Variants in MTUS1 observed in about 807,000 individuals in gnomAD.
MTUS1 encodes the protein microtubule-associated tumor suppressor 1.
MTUS1 carries 109 observed loss-of-function variants against 120.8 expected under a neutral mutation model. The observed-to-expected ratio is 0.90, with a 90% CI of 0.77 to 1.06. MTUS1 has a LOEUF of 1.06. Among genes scored for constraint, MTUS1 ranks in the 50% least tolerant of loss-of-function variants. MTUS1 has a pLI of 0.00. For missense variants in MTUS1, 2,210 were observed against 1,486.3 expected (o/e 1.49, Z -8.01); for synonymous variants, 737 against 550.5 (o/e 1.34, Z -4.74).
At chr8:17,711,035 T>C (rs1403266794) in intron 6 of MTUS1, among the ~76,000 whole-genome samples, 1 of 152,328 alleles carries the variant, frequency 6.6e-6, no homozygotes, top group South Asian at 2.1e-4. Context: ...CAAACCATAC[T>C]GTAAACAAAT....
chr8:17,646,072 G>C lies in MTUS1; in HGVS notation c.3667C>G (p.Leu1223Val), dbSNP rs1335331748. Reference sequence around the variant, plus strand: ...AGAAGCTCCTCGTTTTCCATAGAGAGTCGCTTGTTGACTTTCGACTCCTTC... The same window carrying C: ...AGAAGCTCCTCGTTTTCCATAGAGACTCGCTTGTTGACTTTCGACTCCTTC... ...LEKESKVNKR[L>V]SMENEELLWK... The change falls in exon 15 of 15, where the codon CTC becomes GTC. Residue 1223 changes from leucine to valine, a missense_variant. Coordinates refer to ENST00000693296, the MANE Select transcript of MTUS1 (RefSeq NM_001363059.2). The C allele has an allele frequency of 1.2e-6, 2 of 1,613,512 alleles. No homozygotes were observed. Among genetic ancestry groups the C allele is most frequent in the Non-Finnish European group, 8.5e-7 (1 of 1,179,880 alleles).
chr8:17,676,903 C>T (rs1181202654), intron 7 of MTUS1, among the ~76,000 whole-genome samples: 1 of 152,154 alleles, frequency 6.6e-6, no homozygotes, highest in Admixed American at 6.5e-5. Flanking sequence ...GTCTGAAGTG[C>T]TGATCTGAGA....
intron 2 of MTUS1, among the ~76,000 whole-genome samples, chr8:17,744,634 T>C (rs552290957): frequency 1.3e-5 from 2 of 151,126 alleles, no homozygotes; most frequent in African/African-American, 2.4e-5. Context: ...AGCTAAGTTT[T>C]GTATTTTTTT....
In MTUS1 at chr8:17,646,100, C is replaced by T; in HGVS notation, c.3639G>A (p.Leu1213=). Residue 1213 remains leucine, a synonymous_variant, in exon 15 of 15, where the codon CTG becomes CTA. Transcript: ENST00000693296. ...STEQAVLQES[L]EKESKVNKRL... ...GCTTGTTGACTTTCGACTCCTTCTC[C>T]AGCGACTCTTGCAGAACAGCCTGCT... The T allele has an allele frequency of 6.2e-7, 1 of 1,613,216 alleles. No homozygotes were observed. Among genetic ancestry groups the T allele is most frequent in the Non-Finnish European group, 8.5e-7 (1 of 1,179,814 alleles).
At chr8:17,780,735 T>C (rs1294990889) in intron 1 of MTUS1, 2 of 152,226 alleles carry the variant, frequency 1.3e-5, no homozygotes, top group Non-Finnish European at 2.9e-5. Context: ...CAATATATTC[T>C]CAAAACAGCA....
At chr8:17,745,900 G>T (rs2047705863) in intron 2 of MTUS1, among the ~76,000 whole-genome samples, 1 of 152,130 alleles carries the variant, frequency 6.6e-6, no homozygotes, top group South Asian at 2.1e-4. Flanking sequence ...CTGGTGGGAG[G>T]TAACTGGATC....
At chr8:17,700,811 A>C (rs971785872) in intron 6 of MTUS1, among the ~76,000 whole-genome samples, 1 of 152,216 alleles carries the variant, frequency 6.6e-6, no homozygotes, top group African/African-American at 2.4e-5. Flanking sequence ...AAAATAAACG[A>C]TGTGTAAAGT....
At chr8:17,766,808 G>T (rs578204942) in intron 1 of MTUS1, among the ~76,000 whole-genome samples, 1 of 151,984 alleles carries the variant, frequency 6.6e-6, no homozygotes, top group African/African-American at 2.4e-5. Context: ...TAGGTAGATT[G>T]AATTGAGAAT....
chr8:17,681,392 G>C (rs1814463388), intron 7 of MTUS1, among the ~76,000 whole-genome samples: 1 of 152,204 alleles, frequency 6.6e-6, no homozygotes, highest in Non-Finnish European at 1.5e-5. Context: ...CGTACAGGAA[G>C]TTTACAGGAC....
chr8:17,654,412 AAACC>A (rs956745308), intron 10 of MTUS1, 145 bp downstream of exon 10: 49 of 619,536 alleles, frequency 7.9e-5, no homozygotes, highest in African/African-American at 2.8e-4. Context: ...TGTTAACAAT[AAACC>A]ACGCAAAAAG....
At chr8:17,698,685 G>A (rs1470745965) in intron 6 of MTUS1, among the ~76,000 whole-genome samples, 2 of 152,136 alleles carry the variant, frequency 1.3e-5, no homozygotes, top group African/African-American at 4.8e-5. Context: ...AGGGAAGAGA[G>A]AGGGAGGAAG....
At chr8:17,700,183 C>T (rs558671506) in intron 6 of MTUS1, among the ~76,000 whole-genome samples, 18 of 151,944 alleles carry the variant, frequency 1.2e-4, no homozygotes, top group South Asian at 4.2e-4. Flanking sequence ...CTTTATGGGC[C>T]GGGCGCGGTG....
chr8:17,796,881 C>A (rs10094836), intron 1 of MTUS1, among the ~76,000 whole-genome samples: 6 of 152,106 alleles, frequency 3.9e-5, no homozygotes, highest in Non-Finnish European at 1.5e-5. Context: ...GGGAGGCTGA[C>A]GTAGGCAATC....
chr8:17,647,687 C>T (rs930847714), intron 13 of MTUS1, among the ~76,000 whole-genome samples: 1 of 152,190 alleles, frequency 6.6e-6, no homozygotes, highest in Non-Finnish European at 1.5e-5. Flanking sequence ...TAGGTCTGTT[C>T]TCTTGCTGCC....
At chr8:17,697,266 A>T in intron 6 of MTUS1, 1 of 1,613,762 alleles carries the variant, frequency 6.2e-7, no homozygotes, top group Non-Finnish European at 8.5e-7. Flanking sequence ...CCTGTGTGGA[A>T]AACAACAGTG....
intron 9 of MTUS1, 52 bp from the exon 10 acceptor site, chr8:17,654,718 G>T: frequency 7.6e-7 from 1 of 1,312,060 alleles, no homozygotes; most frequent in Non-Finnish European, 1.1e-6. Flanking sequence ...AATGTCCTAA[G>T]TTGAATACGC....
chr8:17,698,591 G>T (rs868217989), intron 6 of MTUS1, among the ~76,000 whole-genome samples: 1 of 152,144 alleles, frequency 6.6e-6, no homozygotes, highest in Admixed American at 6.5e-5. Flanking sequence ...ATGCAGAATT[G>T]TTACCATAAA....
chr8:17,761,165 T>C (rs981478154), intron 1 of MTUS1, among the ~76,000 whole-genome samples: 1 of 152,130 alleles, frequency 6.6e-6, no homozygotes, highest in African/African-American at 2.4e-5. Context: ...AGTAAATATG[T>C]GCTGAAAGAA....
chr8:17,773,202 G>A, intron 1 of MTUS1, among the ~76,000 whole-genome samples: 1 of 152,142 alleles, frequency 6.6e-6, no homozygotes, highest in East Asian at 1.9e-4. Context: ...ATAAAAGACT[G>A]TATTAAACAT....
Sources: allele counts gnomAD v4.1 joint callset (sites outside exome capture counted in the v4.1 genomes callset), GRCh38; gene constraint gnomAD v4.1.1; transcripts MANE v1.5; gene names NCBI Gene and HGNC (gene_info 2026-07-23, HGNC 2026-07-21).